Variants in CELF4 observed in about 807,000 individuals in gnomAD.
The protein encoded by CELF4 is CUG-BP- and ETR-3-like factor 4.
CELF4 carries 18 observed loss-of-function variants against 59.9 expected under a neutral mutation model. The ratio of observed to expected loss-of-function variants is 0.30; its 90% CI spans 0.21 to 0.45. The LOEUF (loss-of-function observed/expected upper bound fraction) is 0.45, where lower values mean the gene tolerates loss of function less well. Among genes scored for constraint, CELF4 ranks in the 20% least tolerant of loss-of-function variants. The pLI is 1.00. For missense variants in CELF4, 456 were observed against 689.0 expected (o/e 0.66, Z 3.79); for synonymous variants, 261 against 267.1 (o/e 0.98, Z 0.22).
intron 2 of CELF4, among the ~76,000 whole-genome samples, chr18:37,477,337 C>T (rs1198279060): frequency 3.9e-5 from 6 of 152,158 alleles, no homozygotes; most frequent in African/African-American, 1.2e-4. Context: ...TGACTTTGGG[C>T]CTCCAAGGAT....
At chr18:37,431,431 A>G (rs1342518927) in intron 2 of CELF4, among the ~76,000 whole-genome samples, 1 of 137,524 alleles carries the variant, frequency 7.3e-6, no homozygotes, top group African/African-American at 2.8e-5. Flanking sequence ...GCAGTGGTGC[A>G]ATCTCAGCTC....
intron 2 of CELF4, among the ~76,000 whole-genome samples, chr18:37,386,092 T>A (rs2099096294): frequency 6.6e-6 from 1 of 152,228 alleles, no homozygotes; most frequent in Admixed American, 6.5e-5. Context: ...CTGGAGATGA[T>A]GAATGAATGT....
chr18:37,344,251 C>T lies in CELF4; in HGVS notation c.370-22370G>A, dbSNP rs1035335596. Among the ~76,000 whole-genome samples the T allele has an allele frequency of 3.9e-5, 6 of 152,184 alleles. No homozygotes were observed. The East Asian group carries it at 1.2e-3, about 29-fold the overall frequency. On this transcript the variant is annotated intron_variant, in intron 2 of 12. Transcript: ENST00000420428. ...GGAGCACATTTCCCCACTGACCTGC[C>T]CCATGGGGTCCAGAGAGCAAGTGCT...
intron 2 of CELF4, among the ~76,000 whole-genome samples, chr18:37,439,135 A>G (rs1225144954): frequency 1.3e-5 from 2 of 152,128 alleles, no homozygotes; most frequent in Non-Finnish European, 2.9e-5. Flanking sequence ...TGAGGCCCAG[A>G]GAAGCAAAGG....
At chr18:37,455,155 C>T (rs551617758) in intron 2 of CELF4, among the ~76,000 whole-genome samples, 1 of 152,300 alleles carries the variant, frequency 6.6e-6, no homozygotes, top group South Asian at 2.1e-4. Flanking sequence ...AACAGCAGCG[C>T]CTTCATTTTG....
chr18:37,254,619 C>T lies in CELF4; in HGVS notation c.1334-681G>A, dbSNP rs943833743. On this transcript the variant is annotated intron_variant, in intron 11 of 12. Coordinates refer to ENST00000420428, the MANE Select transcript of CELF4 (RefSeq NM_020180.4). The surrounding 1 kb of genome is among the most constrained non-coding windows in gnomAD (Gnocchi z 5.1). ...GCGCCGTCGGCACCTCTCTTCTCCA[C>T]GCCCTGCGCCGTGGACTAAGCACGC... is the stretch of plus-strand genomic sequence containing the variant. Among the ~76,000 whole-genome samples, 1 of 152,206 alleles carries T rather than the reference C, an allele frequency of 6.6e-6. No individual in the cohort carries two copies. The highest frequency in any genetic ancestry group is 2.4e-5 in the African/African-American group (1 of 41,468).
At chr18:37,561,081 C>T (rs1018052758) in intron 1 of CELF4, among the ~76,000 whole-genome samples, 1 of 152,184 alleles carries the variant, frequency 6.6e-6, no homozygotes, top group African/African-American at 2.4e-5. Flanking sequence ...CTCTCTGGAG[C>T]TAAATCCACA....
chr18:37,480,348 C>T (rs2154602970), intron 2 of CELF4, among the ~76,000 whole-genome samples: 1 of 152,236 alleles, frequency 6.6e-6, no homozygotes, highest in South Asian at 2.1e-4. Flanking sequence ...GAAATACATC[C>T]CATTTCTAAA....
chr18:37,479,477 G>C (rs1480544243), intron 2 of CELF4, among the ~76,000 whole-genome samples: 1 of 152,200 alleles, frequency 6.6e-6, no homozygotes, highest in Non-Finnish European at 1.5e-5. Flanking sequence ...TTAGATGCCA[G>C]TAGCATCTCC....
At chr18:37,408,790 C>T (rs2099410643) in intron 2 of CELF4, among the ~76,000 whole-genome samples, 1 of 152,156 alleles carries the variant, frequency 6.6e-6, no homozygotes, top group Non-Finnish European at 1.5e-5. Flanking sequence ...GGTCCTGTCC[C>T]ACCACCCAGC....
chr18:37,280,051 G>A (rs2093927067), intron 3 of CELF4, among the ~76,000 whole-genome samples: 1 of 152,204 alleles, frequency 6.6e-6, no homozygotes, highest in African/African-American at 2.4e-5. Flanking sequence ...CAGGACGTAG[G>A]TGCTCATCCC....
At chr18:37,521,360 TC>T (rs1374049139) in intron 1 of CELF4, among the ~76,000 whole-genome samples, 1 of 152,018 alleles carries the variant, frequency 6.6e-6, no homozygotes, top group Admixed American at 6.6e-5. Context: ...CCCCACACTC[TC>T]TATTCTCTCC....
intron 2 of CELF4, among the ~76,000 whole-genome samples, chr18:37,393,783 T>C (rs2099198241): frequency 6.6e-6 from 1 of 151,658 alleles, no homozygotes; most frequent in Non-Finnish European, 1.5e-5. Context: ...GAGCAATCTC[T>C]GAAGGTGCGG....
chr18:37,456,103 C>T (rs1029688555), intron 2 of CELF4, among the ~76,000 whole-genome samples: 1 of 152,198 alleles, frequency 6.6e-6, no homozygotes, highest in African/African-American at 2.4e-5. Context: ...AACCCCAGAG[C>T]CTCGGTCCTG....
At chr18:37,310,816 C>T (rs1449866526) in intron 3 of CELF4, among the ~76,000 whole-genome samples, 1 of 152,160 alleles carries the variant, frequency 6.6e-6, no homozygotes, top group Non-Finnish European at 1.5e-5. Context: ...AGGACACCAC[C>T]TAGCCCTGGG....
intron 1 of CELF4, among the ~76,000 whole-genome samples, chr18:37,548,484 C>T (rs973579204): frequency 2.6e-5 from 4 of 152,200 alleles, no homozygotes; most frequent in African/African-American, 7.2e-5. Context: ...GTGTGTGTCA[C>T]TGTCACGTAG....
At chr18:37,467,852 G>T (rs376717365) in intron 2 of CELF4, among the ~76,000 whole-genome samples, 1 of 152,172 alleles carries the variant, frequency 6.6e-6, no homozygotes, top group Admixed American at 6.5e-5. Flanking sequence ...CTGTGTGTTC[G>T]TGTGCCCACA....
At chr18:37,290,239 C>T (rs1252483992) in intron 3 of CELF4, among the ~76,000 whole-genome samples, 1 of 152,170 alleles carries the variant, frequency 6.6e-6, no homozygotes, top group Non-Finnish European at 1.5e-5. Context: ...GGCAGTGGAG[C>T]CCCCTGAACA....
intron 2 of CELF4, among the ~76,000 whole-genome samples, chr18:37,475,224 T>C (rs2099845444): frequency 6.6e-6 from 1 of 152,246 alleles, no homozygotes; most frequent in Admixed American, 6.5e-5. Context: ...TTGTCTACAG[T>C]CTGCTTCTGG....
Sources: gnomAD v4.1 joint callset for allele counts (sites outside exome capture counted in the v4.1 genomes callset) on GRCh38, gnomAD v4.1.1 for gene constraint, Gnocchi (gnomAD v3.1) non-coding constraint, MANE v1.5 for transcripts, NCBI Gene and HGNC (gene_info 2026-07-23, HGNC 2026-07-21) for gene names.